SPPL3: variants seen among roughly 807,000 people sequenced by gnomAD.
SPPL3 encodes signal peptide peptidase like 3, also known as signal peptide peptidase-like 3.
In SPPL3, 5 loss-of-function variants were observed where a neutral mutation model predicts 42.4. The observed-to-expected ratio is 0.12, with a 90% CI of 0.06 to 0.25. SPPL3 has a LOEUF of 0.25. Among genes scored for constraint, SPPL3 ranks in the 10% least tolerant of loss-of-function variants. The probability of loss-of-function intolerance (pLI) is 1.00; values close to 1 mark genes in which losing one functional copy is unlikely to be tolerated. For missense variants in SPPL3, 235 were observed against 489.0 expected (o/e 0.48, Z 4.90); for synonymous variants, 195 against 181.8 (o/e 1.07, Z -0.58).
intron 1 of SPPL3, among the ~76,000 whole-genome samples, chr12:120,852,734 C>T (rs1213377530): frequency 0.64 from 31,460 of 48,942 alleles, 14,102 homozygotes; most frequent in Non-Finnish European, 0.85. Flanking sequence ...ATATAATATA[C>T]ATATAATATA....
chr12:120,781,179 GTAT>G (rs1869523890), intron 6 of SPPL3, among the ~76,000 whole-genome samples: 1 of 152,120 alleles, frequency 6.6e-6, no homozygotes, highest in Non-Finnish European at 1.5e-5. Flanking sequence ...TTCATCCTAG[GTAT>G]TATTGTCATT....
rs190932272 is a variant in SPPL3 at position 120,841,250 on chromosome 12, G to A, written c.24-30364C>T. Among the ~76,000 whole-genome samples, 319 of 152,092 alleles carry A rather than the reference G, an allele frequency of 2.1e-3. 1 individual carries two copies. The highest frequency in any genetic ancestry group is 7.1e-3 in the African/African-American group (293 of 41,498). ...TGAGGCAGGAGAATCGGTTGAACCC[G>A]GGAGGCGGAGGCTGTGGTGAGCCAT... is the stretch of plus-strand genomic sequence containing the variant. On this transcript the variant is annotated intron_variant, in intron 1 of 10. Coordinates refer to ENST00000353487, the MANE Select transcript of SPPL3 (RefSeq NM_139015.5).
chr12:120,840,221 T>A (rs943128913), intron 1 of SPPL3, among the ~76,000 whole-genome samples: 9 of 128,720 alleles, frequency 7.0e-5, no homozygotes, highest in African/African-American at 2.7e-4. Context: ...GAGGCTGCAG[T>A]GAGCTGAGAT....
At chr12:120,800,893 A>ACAGGC (rs1338750986) in intron 2 of SPPL3, among the ~76,000 whole-genome samples, 1 of 152,252 alleles carries the variant, frequency 6.6e-6, no homozygotes, top group Non-Finnish European at 1.5e-5. Flanking sequence ...TAGGTGCTTT[A>ACAGGC]CAGGCAAGGT....
chr12:120,876,016 A>ATGCCCCCC (rs1566067012), intron 1 of SPPL3, among the ~76,000 whole-genome samples: 1 of 144,028 alleles, frequency 6.9e-6, no homozygotes. Flanking sequence ...AAACAAACAG[A>ATGCCCCCC]CCCCCCCCAC....
At chr12:120,781,555 G>GTTTTTTTTTTTTTTTT (rs527339173) in intron 6 of SPPL3, among the ~76,000 whole-genome samples, 1 of 63,010 alleles carries the variant, frequency 1.6e-5, no homozygotes, top group African/African-American at 6.8e-5. Context: ...TTATTGTTAC[G>GTTTTTTTTTTTTTTTT]TTTTTTTTTT....
At chr12:120,903,524 G>C (rs951188278) in intron 1 of SPPL3, 1 of 375,052 alleles carries the variant, frequency 2.7e-6, no homozygotes, top group Non-Finnish European at 4.9e-6. Flanking sequence ...GGTGCCTGTC[G>C]GATTCAACTT....
intron 1 of SPPL3, among the ~76,000 whole-genome samples, chr12:120,859,450 GAAGTT>G (rs551000284): frequency 3.9e-5 from 6 of 152,138 alleles, no homozygotes; most frequent in Admixed American, 6.5e-5. Flanking sequence ...AGCAATAACT[GAAGTT>G]AAGAATTGTG....
intron 1 of SPPL3, among the ~76,000 whole-genome samples, chr12:120,879,681 G>A (rs1343345751): frequency 1.3e-5 from 2 of 152,026 alleles, no homozygotes; most frequent in Non-Finnish European, 2.9e-5. Context: ...TAATTGCAGA[G>A]TCAAAAATAC....
chr12:120,846,885 G>C (rs777548008), intron 1 of SPPL3, among the ~76,000 whole-genome samples: 1 of 152,160 alleles, frequency 6.6e-6, no homozygotes, highest in South Asian at 2.1e-4. Flanking sequence ...GAGTTCATGT[G>C]GGTGGGAGTG....
At chr12:120,806,458 A>T (rs945758992) in intron 2 of SPPL3, among the ~76,000 whole-genome samples, 1 of 152,174 alleles carries the variant, frequency 6.6e-6, no homozygotes, top group African/African-American at 2.4e-5. Flanking sequence ...ATTTATAAAG[A>T]TGAAATTAAA....
intron 1 of SPPL3, among the ~76,000 whole-genome samples, chr12:120,884,405 G>C (rs150593115): frequency 1.4e-3 from 213 of 152,056 alleles, no homozygotes; most frequent in Admixed American, 4.1e-3. Context: ...TGTAAAAAAT[G>C]ATCTACAGTT....
intron 1 of SPPL3, among the ~76,000 whole-genome samples, chr12:120,837,315 A>G (rs1871653777): frequency 6.6e-6 from 1 of 152,238 alleles, no homozygotes. Context: ...AAAGGCAGAT[A>G]TGAAAAAGGT....
rs1410892175 is a variant in SPPL3 at position 120,784,623 on chromosome 12, CTTA to C, written c.191-33_191-31del. 8 of 1,577,500 alleles carry C rather than the reference CTTA, an allele frequency of 5.1e-6. No homozygotes were observed. In the African/African-American group the frequency reaches 8.2e-5, roughly 16 times the overall value. On this transcript the variant is annotated intron_variant, in intron 3 of 10. Coordinates refer to ENST00000353487, the MANE Select transcript of SPPL3 (RefSeq NM_139015.5). Reference sequence around the variant, plus strand: ...AAGAGAAAAACAGACAGATTAATAACTTATTATGCACCAGGCACTGTGCCTATG... The same window carrying C: ...AAGAGAAAAACAGACAGATTAATAACTTATGCACCAGGCACTGTGCCTATG...
intron 3 of SPPL3, among the ~76,000 whole-genome samples, chr12:120,790,362 C>T (rs751014171): frequency 6.6e-5 from 10 of 152,200 alleles, no homozygotes; most frequent in Non-Finnish European, 1.5e-4. Context: ...AGGTTGACAG[C>T]GTGCTATAAT....
At chr12:120,784,722 G>A (rs1869660123) in intron 3 of SPPL3, 129 bp from the exon 4 acceptor site, 2 of 593,278 alleles carry the variant, frequency 3.4e-6, no homozygotes, top group Non-Finnish European at 5.6e-6. Flanking sequence ...GGATTATCCA[G>A]GCCCTATGAG....
intron 1 of SPPL3, among the ~76,000 whole-genome samples, chr12:120,843,949 T>C (rs1451859002): frequency 6.6e-6 from 1 of 152,048 alleles, no homozygotes; most frequent in African/African-American, 2.4e-5. Flanking sequence ...CAGAGCGAGA[T>C]TCCTCCCAAA....
chr12:120,892,603 C>A (rs1250274812), intron 1 of SPPL3, among the ~76,000 whole-genome samples: 1 of 152,062 alleles, frequency 6.6e-6, no homozygotes, highest in Non-Finnish European at 1.5e-5. Flanking sequence ...GGTTATAAGA[C>A]CAGATTGTTT....
At chr12:120,806,001 C>CTTTT (rs397710393) in intron 2 of SPPL3, among the ~76,000 whole-genome samples, 3 of 132,960 alleles carry the variant, frequency 2.3e-5, no homozygotes, top group Admixed American at 7.5e-5. Context: ...TCCCTGCAGG[C>CTTTT]TTTTTTTTTT....
Sources: gnomAD v4.1 joint callset for allele counts (sites outside exome capture counted in the v4.1 genomes callset) on GRCh38, gnomAD v4.1.1 for gene constraint, MANE v1.5 for transcripts, NCBI Gene and HGNC (gene_info 2026-07-23, HGNC 2026-07-21) for gene names.